The following NYNRIN variants were observed in gnomAD, a reference collection of about 807,000 sequenced individuals.
The protein encoded by NYNRIN is NYN domain and retroviral integrase containing.
A neutral mutation model predicts 146.6 loss-of-function variants in NYNRIN; 86 were observed. That is an observed-to-expected ratio of 0.59 (90% CI 0.49 to 0.70). The LOEUF is 0.70. Among genes scored for constraint, NYNRIN ranks in the 30% least tolerant of loss-of-function variants. The pLI is 0.00. For missense variants in NYNRIN, 2,191 were observed against 2,377.7 expected (o/e 0.92, Z 1.63); for synonymous variants, 1,027 against 1,001.3 (o/e 1.03, Z -0.48).
Position 24,414,616 on chromosome 14 carries a change from A to G in NYNRIN, c.2867A>G (p.Asn956Ser). The change falls in exon 9 of 9, where the codon AAC (asparagine) becomes AGC (serine). Residue 956 changes from asparagine (N) to serine (S), a missense_variant. Transcript: ENST00000382554. ...KPNRLDTDIG[N>S]FLKVWKTLPP... ...TGTAGGTTGGACACTGACATTGGCAACTTCCTGAAGGTGTGGAAGACCCTT... is the reference window on the plus strand; with the variant it reads ...TGTAGGTTGGACACTGACATTGGCAGCTTCCTGAAGGTGTGGAAGACCCTT... 6.2e-7 allele frequency: 1 copy of G among 1,611,782 alleles called. No homozygotes were observed. Among genetic ancestry groups the G allele is most frequent in the Non-Finnish European group, 8.5e-7 (1 of 1,178,416 alleles).
In NYNRIN at chr14:24,417,294, C is replaced by T. The variant is rs748932229; in HGVS notation, c.5545C>T (p.Pro1849Ser). Residue 1849 changes from proline (P) to serine (S), a missense_variant, in exon 9 of 9, where the codon CCC becomes TCC. This residue lies in a region of NYNRIN where 1,291 missense variants were observed against 1,417.0 expected (regional missense o/e 0.91). Transcript: ENST00000382554. ...TGGCAGCAGTGCCAAATGGGTGGGT[C>T]CCTTCTATATCGGGGACCGGCTGAG... ...RNGSSAKWVG[P>S]FYIGDRLSLS... 14 of 1,613,788 alleles carry T rather than the reference C, an allele frequency of 8.7e-6. No individual in the cohort carries two copies.
In NYNRIN at chr14:24,410,153, C is replaced by G. The variant is rs751504287; in HGVS notation, c.2359C>G (p.Pro787Ala). 3 of 1,612,682 alleles carry G rather than the reference C, an allele frequency of 1.9e-6. No individual in the cohort carries two copies. The South Asian group carries it at 3.3e-5, about 18-fold the overall frequency. The change falls in exon 4 of 9, where the codon CCT becomes GCT. Residue 787 changes from proline (P) to alanine (A), a missense_variant. Coordinates refer to ENST00000382554, the MANE Select transcript of NYNRIN (RefSeq NM_025081.3). ...TPFELNLSGEPGNQGLRRVVI... is the reference protein window; with the variant it reads ...TPFELNLSGEAGNQGLRRVVI... ...CTTCGAGCTGAACCTGTCAGGGGAACCTGGAAACCAGGGGTTGCGGCGAGT... is the reference window on the plus strand; with the variant it reads ...CTTCGAGCTGAACCTGTCAGGGGAAGCTGGAAACCAGGGGTTGCGGCGAGT...
At position 24,399,238 on chromosome 14, in the gene NYNRIN, G is replaced by A. The variant is rs1566481635; in HGVS notation, c.-9G>A. Reference sequence around the variant, plus strand: ...CGTCTCCTTCGTTCCAGGAGCGGGCGGGGCAGCCATGCTCCTGTCTGGGGG... The same window carrying A: ...CGTCTCCTTCGTTCCAGGAGCGGGCAGGGCAGCCATGCTCCTGTCTGGGGG... On this transcript the variant is annotated 5_prime_UTR_variant, in exon 2 of 9. Transcript: ENST00000382554. 3 of 1,612,720 alleles carry A rather than the reference G, an allele frequency of 1.9e-6. No homozygotes were observed. The African/African-American group carries it at 4.0e-5, about 22-fold the overall frequency.
chr14:24,405,430 G>C (rs1280216685), intron 2 of NYNRIN, among the ~76,000 whole-genome samples: 1 of 152,172 alleles, frequency 6.6e-6, no homozygotes, highest in African/African-American at 2.4e-5. Context: ...CTCTTTTTCT[G>C]TGTCCTTTTC....
At position 24,416,766 on chromosome 14, in the gene NYNRIN, G is replaced by A. The variant is rs2042950700; in HGVS notation, c.5017G>A (p.Val1673Ile). ...TCAGCATGTGTTTGCAAGGTGGGGT[G>A]TTCCTGTGAGGCTGGAGGCAGCCCA... The part of the protein sequence containing the change: ...LLQHVFARWG[V>I]PVRLEAAQGP... Residue 1673 changes from valine to isoleucine, a missense_variant, in exon 9 of 9, where the codon GTT becomes ATT. Around this residue, in one of 3 missense-constraint regions of NYNRIN, gnomAD observed 1,291 missense variants for 1,417.0 expected, o/e 0.91. Coordinates refer to ENST00000382554, the MANE Select transcript of NYNRIN (RefSeq NM_025081.3). 6.2e-7 allele frequency: 1 copy of A among 1,613,750 alleles called. No homozygotes were observed. The highest frequency in any genetic ancestry group is 8.5e-7 in the Non-Finnish European group (1 of 1,179,822).
chr14:24,401,444 G>A (rs903498686), intron 2 of NYNRIN, among the ~76,000 whole-genome samples: 1 of 152,020 alleles, frequency 6.6e-6, no homozygotes, highest in African/African-American at 2.4e-5. Context: ...GGGGCGGGGG[G>A]GGTTAAAGTT....
chr14:24,417,068 G>T lies in NYNRIN; in HGVS notation c.5319G>T (p.Trp1773Cys), dbSNP rs2042953152. The change falls in exon 9 of 9, where the codon TGG (tryptophan) becomes TGT (cysteine). Residue 1773 changes from tryptophan (W) to cysteine (C), a missense_variant. Physicochemically the swap from Trp to Cys is radical, Grantham distance 215 (BLOSUM62 -2). Transcript: ENST00000382554. ...AGTCAAGGCTCACGGAGCCCCTGTG[G>T]TGGGAGATGAGCAGCGCAAACATTG... is the stretch of plus-strand genomic sequence containing the variant. ...GGESRLTEPL[W>C]WEMSSANIEG... 6.2e-7 allele frequency: 1 copy of T among 1,613,056 alleles called. No homozygotes were observed. The highest frequency in any genetic ancestry group is 8.5e-7 in the Non-Finnish European group (1 of 1,179,272).
At position 24,408,949 on chromosome 14, in the gene NYNRIN, G is replaced by A. The variant is rs764283601; in HGVS notation, c.1155G>A (p.Gln385=). 5 of 1,613,980 alleles carry A rather than the reference G, an allele frequency of 3.1e-6. No homozygotes were observed. The change falls in exon 4 of 9, where the codon CAG becomes CAA. Residue 385 remains glutamine, a synonymous_variant. Coordinates refer to ENST00000382554, the MANE Select transcript of NYNRIN (RefSeq NM_025081.3). ...TACATCTGGCCTGGCTCCTGTCCCA[G>A]GCGTGCTTCAATTTCCCCTTCTGGC... ...HSLHLAWLLS[Q]ACFNFPFWQR... is the part of the protein sequence containing the mutation.
chr14:24,408,895 C>T lies in NYNRIN; in HGVS notation c.1101C>T (p.Thr367=), dbSNP rs2042892650. 1 of 1,613,922 alleles carries T rather than the reference C, an allele frequency of 6.2e-7. No homozygotes were observed. Among genetic ancestry groups the T allele is most frequent in the Admixed American group, 1.7e-5 (1 of 60,010 alleles). ...TGTGGCCGGGGGCTATTGCTGCAAC[C>T]TTCTGGAGGATCAATGAGCTGCATT... The part of the protein sequence containing the change: ...GPLWPGAIAA[T]FWRINELHSL... Residue 367 remains threonine, a synonymous_variant, in exon 4 of 9, where the codon ACC becomes ACT. Transcript: ENST00000382554.
In NYNRIN at chr14:24,415,302, C is replaced by T. The variant is rs1454655839; in HGVS notation, c.3553C>T (p.Pro1185Ser). The change falls in exon 9 of 9, where the codon CCC (proline) becomes TCC (serine). Residue 1185 changes from proline to serine, a missense_variant. Physicochemically the swap from Pro to Ser is moderately conservative, Grantham distance 74. Around this residue, in one of 3 missense-constraint regions of NYNRIN, gnomAD observed 1,291 missense variants for 1,417.0 expected, o/e 0.91. Coordinates refer to ENST00000382554, the MANE Select transcript of NYNRIN (RefSeq NM_025081.3). ...TCAGGAGCACTCAGGGAGGAAGCACCCCATAGCCTATACCTCAAAACCCCT... is the reference window on the plus strand; with the variant it reads ...TCAGGAGCACTCAGGGAGGAAGCACTCCATAGCCTATACCTCAAAACCCCT... ...LHQEHSGRKH[P>S]IAYTSKPLLP... 3.7e-6 allele frequency: 6 copies of T among 1,613,932 alleles called. No individual in the cohort carries two copies. The East Asian group carries it at 1.1e-4, about 30-fold the overall frequency.
rs933788402 is a variant in NYNRIN at position 24,399,222 on chromosome 14, C to T, written c.-17-8C>T. On this transcript the variant is annotated splice_region_variant and splice_polypyrimidine_tract_variant and intron_variant, in intron 1 of 8. Coordinates refer to ENST00000382554, the MANE Select transcript of NYNRIN (RefSeq NM_025081.3). ...ACCCGGGTGACACTATCGTCTCCTT[C>T]GTTCCAGGAGCGGGCGGGGCAGCCA... The T allele has an allele frequency of 3.1e-6, 5 of 1,610,222 alleles. No individual in the cohort carries two copies. Among genetic ancestry groups the T allele is most frequent in the East Asian group, 2.2e-5 (1 of 44,796 alleles).
Position 24,408,318 on chromosome 14 carries a change from C to G in NYNRIN, c.648C>G (p.Ser216=). 6.2e-7 allele frequency: 1 copy of G among 1,613,570 alleles called. No homozygotes were observed. Among genetic ancestry groups the G allele is most frequent in the Non-Finnish European group, 8.5e-7 (1 of 1,179,892 alleles). Reference sequence around the variant, plus strand: ...GCTTCGGCATCTCTGACTCCCACTCCGATCCGGAGGTTCTAATCTGCCCTC... The same window carrying G: ...GCTTCGGCATCTCTGACTCCCACTCGGATCCGGAGGTTCTAATCTGCCCTC... ...LSRFGISDSH[S]DPEVLICPPQ... is the part of the protein sequence containing the mutation. The change falls in exon 3 of 9, where the codon TCC becomes TCG. Residue 216 remains serine, a synonymous_variant. Coordinates refer to ENST00000382554, the MANE Select transcript of NYNRIN (RefSeq NM_025081.3).
At chr14:24,405,012 G>C (rs1193162411) in intron 2 of NYNRIN, among the ~76,000 whole-genome samples, 25 of 23,618 alleles carry the variant, frequency 1.1e-3, no homozygotes, top group Non-Finnish European at 4.3e-4. Context: ...GTGTGTGTGT[G>C]TGTGTGTGTG....
intron 2 of NYNRIN, among the ~76,000 whole-genome samples, chr14:24,404,944 G>C (rs1226643435): frequency 6.6e-6 from 1 of 151,630 alleles, no homozygotes; most frequent in African/African-American, 2.4e-5. Flanking sequence ...ACCTTGTTTT[G>C]TACTCCCTGG....
At chr14:24,400,379 G>A (rs1205865780) in intron 2 of NYNRIN, among the ~76,000 whole-genome samples, 1 of 152,094 alleles carries the variant, frequency 6.6e-6, no homozygotes, top group African/African-American at 2.4e-5. Context: ...CTTCTTCTTT[G>A]TAGGAATGCC....
intron 2 of NYNRIN, among the ~76,000 whole-genome samples, chr14:24,407,291 C>T (rs1021802990): frequency 1.3e-5 from 2 of 152,214 alleles, no homozygotes; most frequent in East Asian, 3.8e-4. Flanking sequence ...TATTAATTCA[C>T]TGAAGCTTCA....
At chr14:24,406,241 TAAAATA>T (rs1408525806) in intron 2 of NYNRIN, among the ~76,000 whole-genome samples, 2 of 149,456 alleles carry the variant, frequency 1.3e-5, no homozygotes, top group African/African-American at 4.9e-5. Context: ...TAAAATAAAA[TAAAATA>T]AAATATTGGA....
chr14:24,411,776 G>A lies in NYNRIN; in HGVS notation c.2642+326G>A, dbSNP rs1003685629. ...CCCAGGGTTTTGGGTGCCCGTTTCGGTTGAGGCTCATGTCTCCAGACTGCT... is the reference window on the plus strand; with the variant it reads ...CCCAGGGTTTTGGGTGCCCGTTTCGATTGAGGCTCATGTCTCCAGACTGCT... On this transcript the variant is annotated intron_variant, in intron 6 of 8. Coordinates refer to ENST00000382554, the MANE Select transcript of NYNRIN (RefSeq NM_025081.3). This position sits in a 1 kb window ranked among gnomAD's most constrained non-coding sequence, Gnocchi z 4.3. Among the ~76,000 whole-genome samples, 11 of 152,282 alleles carry A rather than the reference G, an allele frequency of 7.2e-5. No homozygotes were observed. Among genetic ancestry groups the A allele is most frequent in the African/African-American group, 2.6e-4 (11 of 41,552 alleles).
At chr14:24,405,058 A>ATGTGTGTGAATGTGTGTG (rs2042869149) in intron 2 of NYNRIN, among the ~76,000 whole-genome samples, 2 of 142,500 alleles carry the variant, frequency 1.4e-5, no homozygotes, top group African/African-American at 5.3e-5. Flanking sequence ...ATGTGTGTGA[A>ATGTGTGTGAATGTGTGTG]TGTGTGTGAA....
Sources: allele counts gnomAD v4.1 joint callset (sites outside exome capture counted in the v4.1 genomes callset), GRCh38; gene constraint gnomAD v4.1.1; regional missense constraint gnomAD v4.1.1; non-coding constraint Gnocchi (gnomAD v3.1); transcripts MANE v1.5; gene names NCBI Gene and HGNC (gene_info 2026-07-23, HGNC 2026-07-21).